The following PCNX2 variants were observed in gnomAD, a reference collection of about 807,000 sequenced individuals.
PCNX2 encodes pecanex-like protein 2.
In PCNX2, 168 loss-of-function variants were observed where a neutral mutation model predicts 223.8. That is an observed-to-expected ratio of 0.75 (90% CI 0.66 to 0.85). The LOEUF (loss-of-function observed/expected upper bound fraction) is 0.85, where lower values mean the gene tolerates loss of function less well. PCNX2 is among the 40% of genes least tolerant of loss of function. The probability of loss-of-function intolerance (pLI) is 0.00; values close to 1 mark genes in which losing one functional copy is unlikely to be tolerated. For missense variants in PCNX2, 2,507 were observed against 2,675.5 expected (o/e 0.94, Z 1.39); for synonymous variants, 1,006 against 1,052.6 (o/e 0.96, Z 0.86).
At chr1:233,250,280 C>T (rs1167991334) in intron 8 of PCNX2, among the ~76,000 whole-genome samples, 1 of 152,046 alleles carries the variant, frequency 6.6e-6, no homozygotes, top group East Asian at 1.9e-4. Context: ...TAATTAATAT[C>T]AGCATAATTA....
At chr1:233,135,326 C>A (rs1676741715) in intron 20 of PCNX2, 136 bp from the exon 21 acceptor site, 1 of 842,444 alleles carries the variant, frequency 1.2e-6, no homozygotes, top group Admixed American at 2.9e-5. Flanking sequence ...TAAGGGGCCC[C>A]ATTATTGTCT....
chr1:233,129,466 G>A (rs971994831), intron 21 of PCNX2, among the ~76,000 whole-genome samples: 9 of 152,198 alleles, frequency 5.9e-5, no homozygotes, highest in Non-Finnish European at 1.2e-4. Flanking sequence ...CACGGCACCA[G>A]GTGTCATCAA....
intron 17 of PCNX2, among the ~76,000 whole-genome samples, chr1:233,177,571 A>G (rs192254316): frequency 6.6e-6 from 1 of 152,316 alleles, no homozygotes; most frequent in East Asian, 1.9e-4. Flanking sequence ...CTTGCTGAGT[A>G]AGTTAAATTT....
intron 25 of PCNX2, 61 bp downstream of exon 25, chr1:233,054,207 T>TG: frequency 6.8e-7 from 1 of 1,472,036 alleles, no homozygotes; most frequent in Non-Finnish European, 9.3e-7. Flanking sequence ...CCTAAAGTTT[T>TG]GCTTGATAAT....
At chr1:233,274,676 G>C (rs554841439) in intron 1 of PCNX2, among the ~76,000 whole-genome samples, 1 of 152,172 alleles carries the variant, frequency 6.6e-6, no homozygotes, top group Non-Finnish European at 1.5e-5. Context: ...TCACACATTT[G>C]AAAACTATAA....
chr1:233,000,677 C>A lies in PCNX2; in HGVS notation c.5098-142G>T. 1.5e-6 allele frequency: 1 copy of A among 674,870 alleles called. No individual in the cohort carries two copies. The highest frequency in any genetic ancestry group is 2.5e-6 in the Non-Finnish European group (1 of 396,976). 41.8% of individuals were successfully genotyped at this position (674,870 alleles called of 1,614,324 possible). Reference sequence around the variant, plus strand: ...CTCTCTCCTGTTCTTTTTCCAAATCCTGAGCTCGGCACAGAGGACACCTCT... The same window carrying A: ...CTCTCTCCTGTTCTTTTTCCAAATCATGAGCTCGGCACAGAGGACACCTCT... On this transcript the variant is annotated intron_variant, in intron 29 of 33. Coordinates refer to ENST00000258229, the MANE Select transcript of PCNX2 (RefSeq NM_014801.4). The surrounding 1 kb of genome is among the most constrained non-coding windows in gnomAD (Gnocchi z 4.6).
At chr1:233,324,881 A>G in the PCNX2 span, among the ~76,000 whole-genome samples, 19,528 of 151,854 alleles carry the variant, frequency 0.13, 1,508 homozygotes, top group African/African-American at 0.2. Context: ...GAGCCACCAC[A>G]CCTGGCCAGT....
At chr1:233,160,208 T>C in intron 19 of PCNX2, 75 bp downstream of exon 19, 2 of 1,478,690 alleles carry the variant, frequency 1.4e-6, no homozygotes, top group Non-Finnish European at 1.9e-6. Flanking sequence ...ATTCAGACTG[T>C]TGCACATGCT....
chr1:233,117,806 C>G (rs1026689831), intron 21 of PCNX2, among the ~76,000 whole-genome samples: 3 of 151,396 alleles, frequency 2.0e-5, no homozygotes, highest in African/African-American at 4.8e-5. Flanking sequence ...GTCAGGAGAT[C>G]GAGACCATCC....
At chr1:233,273,789 A>G (rs890451976) in intron 1 of PCNX2, among the ~76,000 whole-genome samples, 1 of 151,752 alleles carries the variant, frequency 6.6e-6, no homozygotes, top group Non-Finnish European at 1.5e-5. Flanking sequence ...ACGCCCAGCT[A>G]ATTTTTTGTA....
intron 17 of PCNX2, among the ~76,000 whole-genome samples, chr1:233,162,907 T>C (rs1389908131): frequency 1.3e-5 from 2 of 152,194 alleles, no homozygotes; most frequent in Non-Finnish European, 2.9e-5. Flanking sequence ...CGGCCACCAG[T>C]ATGACTGCTG....
chr1:233,175,743 A>G (rs1679442124), intron 17 of PCNX2, among the ~76,000 whole-genome samples: 2 of 152,038 alleles, frequency 1.3e-5, no homozygotes, highest in South Asian at 4.2e-4. Context: ...AGCTGCTTTG[A>G]CTTTTAACCT....
intron 19 of PCNX2, among the ~76,000 whole-genome samples, chr1:233,146,464 A>G (rs2477862): frequency 0.17 from 26,618 of 152,200 alleles, 2,430 homozygotes; most frequent in Admixed American, 0.22. Context: ...TCTCTCATAA[A>G]GTACAATCAG....
intron 19 of PCNX2, among the ~76,000 whole-genome samples, chr1:233,151,683 TTTA>T (rs1558285828): frequency 5.1e-5 from 7 of 137,236 alleles, no homozygotes; most frequent in Non-Finnish European, 7.4e-5. Context: ...TATTTATTTA[TTTA>T]TTTTTGAGAC....
intron 21 of PCNX2, among the ~76,000 whole-genome samples, chr1:233,120,480 A>G (rs1675718448): frequency 6.6e-6 from 1 of 152,170 alleles, no homozygotes; most frequent in South Asian, 2.1e-4. Context: ...AAAATGAATC[A>G]CTCATGTATT....
At chr1:233,301,994 C>T in the PCNX2 span, among the ~76,000 whole-genome samples, 3 of 151,968 alleles carry the variant, frequency 2.0e-5, 1 homozygote, top group East Asian at 5.8e-4. Flanking sequence ...GATGAGGTTT[C>T]CATGTTGGCC....
intron 19 of PCNX2, among the ~76,000 whole-genome samples, chr1:233,157,408 C>T (rs1678195054): frequency 6.6e-6 from 1 of 152,134 alleles, no homozygotes; most frequent in Non-Finnish European, 1.5e-5. Flanking sequence ...AGCACATATG[C>T]CTTATCTTAC....
chr1:233,173,856 T>C (rs1490152426), intron 17 of PCNX2, among the ~76,000 whole-genome samples: 1 of 152,014 alleles, frequency 6.6e-6, no homozygotes, highest in Non-Finnish European at 1.5e-5. Flanking sequence ...ATTTCTGGTA[T>C]GTTAGAAAGT....
At chr1:233,316,377 A>C in the PCNX2 span, among the ~76,000 whole-genome samples, 1 of 148,008 alleles carries the variant, frequency 6.8e-6, no homozygotes, top group Non-Finnish European at 1.5e-5. Flanking sequence ...TGTTGTCATT[A>C]TTCTTACTTG....
Sources: allele counts gnomAD v4.1 joint callset (sites outside exome capture counted in the v4.1 genomes callset), GRCh38; gene constraint gnomAD v4.1.1; non-coding constraint Gnocchi (gnomAD v3.1); transcripts MANE v1.5; gene names NCBI Gene and HGNC (gene_info 2026-07-23, HGNC 2026-07-21).